ACSM3: variants seen among roughly 807,000 people sequenced by gnomAD.
ACSM3 encodes acyl-CoA synthetase medium chain family member 3.
Under a neutral mutation model 74.1 loss-of-function variants are expected in ACSM3, and 61 were observed. The ratio of observed to expected loss-of-function variants is 0.82; its 90% CI spans 0.67 to 1.02. ACSM3 has a LOEUF of 1.02. Among genes scored for constraint, ACSM3 ranks in the 50% least tolerant of loss-of-function variants. ACSM3 has a pLI of 0.00. For missense variants in ACSM3, 660 were observed against 697.0 expected (o/e 0.95, Z 0.60); for synonymous variants, 213 against 241.5 (o/e 0.88, Z 1.09).
chr16:20,700,531 C>A (rs1390920582), intron 1 of ACSM3, among the ~76,000 whole-genome samples: 1 of 151,864 alleles, frequency 6.6e-6, no homozygotes, highest in Non-Finnish European at 1.5e-5. Context: ...AAGTGCAAAG[C>A]CTGAGGCTGA....
At chr16:20,777,224 A>G (rs1312144104) in intron 3 of ACSM3, 149 bp from the exon 4 acceptor site, 10 of 736,396 alleles carry the variant, frequency 1.4e-5, no homozygotes, top group South Asian at 2.2e-5. Context: ...GCAAAAGCAG[A>G]TAAGTGAAAG....
intron 1 of ACSM3, chr16:20,680,377 GA>G (rs2079415546): frequency 6.6e-6 from 1 of 152,198 alleles, no homozygotes; most frequent in Non-Finnish European, 1.5e-5. Flanking sequence ...GCCAGTGCCT[GA>G]GCTTCCCCCA....
At chr16:20,739,687 G>A (rs1261735561) in intron 1 of ACSM3, among the ~76,000 whole-genome samples, 2 of 151,960 alleles carry the variant, frequency 1.3e-5, no homozygotes, top group African/African-American at 4.8e-5. Flanking sequence ...CCGATGTGGT[G>A]GCAGACGCCT....
intron 10 of ACSM3, among the ~76,000 whole-genome samples, chr16:20,791,724 C>G (rs1047826258): frequency 6.6e-6 from 1 of 151,976 alleles, no homozygotes; most frequent in African/African-American, 2.4e-5. Context: ...GTAAGGAGCT[C>G]GACACCAGCC....
chr16:20,699,006 A>C lies in ACSM3; in HGVS notation c.-190+24184A>C, dbSNP rs1175968801. ...AGGAACAATTTGGTATCCTGGTAAA[A>C]TGCAGGGTCTTTGGAATCCCAAAGT... On this transcript the variant is annotated intron_variant, in intron 1 of 3. Coordinates refer to the ACSM3 transcript ENST00000561584. 5 of 152,214 alleles carry C rather than the reference A, an allele frequency of 3.3e-5. No individual in the cohort carries two copies. In the East Asian group the frequency reaches 9.6e-4, roughly 29 times the overall value. The allele number at this position is 152,214 out of a possible 1,614,324, so 9.4% of individuals were successfully genotyped here. A position where few individuals can be genotyped will look rare whatever the true frequency, so the allele number is the denominator to read the frequency against.
At chr16:20,730,403 CAAT>C (rs1266097921) in intron 1 of ACSM3, among the ~76,000 whole-genome samples, 2 of 152,128 alleles carry the variant, frequency 1.3e-5, no homozygotes, top group African/African-American at 4.8e-5. Flanking sequence ...CTGGCAATGA[CAAT>C]AATAGTCTTA....
At chr16:20,796,148 G>A in intron 12 of ACSM3, 3 of 619,348 alleles carry the variant, frequency 4.8e-6, no homozygotes, top group Non-Finnish European at 7.7e-6. Flanking sequence ...CTGAGGGCTA[G>A]GCTGGATGAG....
chr16:20,723,247 T>C (rs1423466901), intron 1 of ACSM3, among the ~76,000 whole-genome samples: 1 of 152,282 alleles, frequency 6.6e-6, no homozygotes, highest in East Asian at 1.9e-4. Context: ...CATTCCACGG[T>C]GTATATGTGC....
chr16:20,769,932 T>C (rs2152455003), intron 1 of ACSM3, 52 bp from the exon 2 acceptor site: 3 of 1,167,002 alleles, frequency 2.6e-6, no homozygotes, highest in South Asian at 2.8e-5. Flanking sequence ...CTTTGGGGTA[T>C]GGCTACCTTC....
intron 1 of ACSM3, among the ~76,000 whole-genome samples, chr16:20,743,242 T>C (rs2079943715): frequency 1.3e-5 from 2 of 152,022 alleles, no homozygotes; most frequent in South Asian, 4.2e-4. Flanking sequence ...CTGGCCGTAT[T>C]TTGTCTTGTT....
At chr16:20,741,859 A>T in intron 1 of ACSM3, 1 of 1,535,824 alleles carries the variant, frequency 6.5e-7, no homozygotes, top group South Asian at 1.2e-5. Flanking sequence ...GCCGGCCTCG[A>T]AGCCTCATTC....
intron 2 of ACSM3, among the ~76,000 whole-genome samples, chr16:20,775,302 T>C (rs1010579189): frequency 2.0e-5 from 3 of 152,150 alleles, no homozygotes; most frequent in Admixed American, 1.3e-4. Context: ...TAGTATGAAC[T>C]TCCTCTCTGG....
chr16:20,789,346 C>A (rs1596535330), intron 9 of ACSM3: 1 of 698,008 alleles, frequency 1.4e-6, no homozygotes, highest in East Asian at 2.5e-5. Flanking sequence ...AGGTACATGT[C>A]AAGTACTTAA....
intron 1 of ACSM3, chr16:20,721,125 T>C (rs1409704263): frequency 6.6e-6 from 1 of 152,194 alleles, no homozygotes; most frequent in Non-Finnish European, 1.5e-5. Flanking sequence ...AGTAGAAGCC[T>C]GTGAGGAAAG....
At chr16:20,730,427 G>T (rs1041275565) in intron 1 of ACSM3, among the ~76,000 whole-genome samples, 13 of 152,158 alleles carry the variant, frequency 8.5e-5, no homozygotes, top group African/African-American at 2.9e-4. Context: ...ATTCTAGGAA[G>T]AAGCCCAATT....
At chr16:20,678,981 T>C (rs1038941337) in intron 1 of ACSM3, among the ~76,000 whole-genome samples, 10 of 152,190 alleles carry the variant, frequency 6.6e-5, no homozygotes, top group African/African-American at 2.4e-4. Context: ...ACTTTAAGTA[T>C]GGCCATGCAA....
At chr16:20,787,904 C>T (rs530808971) in intron 9 of ACSM3, among the ~76,000 whole-genome samples, 101 of 152,244 alleles carry the variant, frequency 6.6e-4, no homozygotes, top group African/African-American at 2.4e-3. Context: ...TGAAGAACCA[C>T]CCCCCGACAA....
chr16:20,744,055 A>C (rs1352632287), intron 1 of ACSM3, among the ~76,000 whole-genome samples: 1 of 152,232 alleles, frequency 6.6e-6, no homozygotes, highest in African/African-American at 2.4e-5. Context: ...CACAGTCAAC[A>C]TGTGGCCCAG....
intron 1 of ACSM3, among the ~76,000 whole-genome samples, chr16:20,691,750 AATGTGTGT>A (rs1340143277): frequency 3.4e-5 from 3 of 87,898 alleles, no homozygotes; most frequent in Admixed American, 1.2e-4. Context: ...ATACCTCTCC[AATGTGTGT>A]GTGTGTGTGT....
Sources: gnomAD v4.1 joint callset for allele counts (sites outside exome capture counted in the v4.1 genomes callset) on GRCh38, gnomAD v4.1.1 for gene constraint, MANE v1.5 for transcripts, NCBI Gene and HGNC (gene_info 2026-07-23, HGNC 2026-07-21) for gene names.